Variants in JARID2 observed in about 807,000 individuals in gnomAD.
JARID2 encodes protein Jumonji.
A neutral mutation model predicts 125.6 loss-of-function variants in JARID2; 21 were observed. The observed-to-expected ratio is 0.17, with a 90% CI of 0.12 to 0.24. JARID2 has a LOEUF of 0.24. JARID2 is among the 10% of genes least tolerant of loss of function. The probability of loss-of-function intolerance (pLI) is 1.00; values close to 1 mark genes in which losing one functional copy is unlikely to be tolerated. For synonymous variants in JARID2, 736 were observed against 661.6 expected, an observed-to-expected ratio of 1.11 and a Z score of -1.73; for missense variants, 1,303 against 1,639.6, an observed-to-expected ratio of 0.79 and a Z score of 3.55.
At chr6:15,445,674 C>T (rs927541433) in intron 3 of JARID2, among the ~76,000 whole-genome samples, 2 of 152,120 alleles carry the variant, frequency 1.3e-5, no homozygotes, top group African/African-American at 4.8e-5. Flanking sequence ...GCGACTGTGG[C>T]CTGGGAACAG....
intron 3 of JARID2, among the ~76,000 whole-genome samples, chr6:15,442,655 T>G (rs1767497085): frequency 6.6e-6 from 1 of 152,212 alleles, no homozygotes; most frequent in Admixed American, 6.5e-5. Flanking sequence ...CCATAGGTGG[T>G]AAACTATAAC....
chr6:15,517,158 C>T lies in JARID2; in HGVS notation c.3451-3C>T, dbSNP rs752250265. On this transcript the variant is annotated splice_region_variant and splice_polypyrimidine_tract_variant and intron_variant, in intron 16 of 17. Transcript: ENST00000341776. ...CCTTCGGGTGTCCTGCTCTTGCTTG[C>T]AGGTGGTACAAGAGAACGAAAACGT... 3.1e-6 allele frequency: 5 copies of T among 1,608,356 alleles called. No homozygotes were observed. Among genetic ancestry groups the T allele is most frequent in the African/African-American group, 1.3e-5 (1 of 74,932 alleles).
intron 2 of JARID2, among the ~76,000 whole-genome samples, chr6:15,404,557 A>G (rs1458777089): frequency 6.8e-6 from 1 of 147,138 alleles, no homozygotes; most frequent in Non-Finnish European, 1.5e-5. Flanking sequence ...ACACACACAC[A>G]CACACACACA....
intron 1 of JARID2, among the ~76,000 whole-genome samples, chr6:15,348,453 G>A (rs76366437): frequency 0.025 from 3,835 of 152,184 alleles, 171 homozygotes; most frequent in African/African-American, 0.087. Flanking sequence ...TCTTTGTGTG[G>A]AGGGGTTCTC....
chr6:15,358,520 A>G (rs981833079), intron 1 of JARID2, among the ~76,000 whole-genome samples: 13 of 152,346 alleles, frequency 8.5e-5, no homozygotes, highest in Non-Finnish European at 1.9e-4. Context: ...AGTTGGGGCA[A>G]CCGAAGCTTT....
chr6:15,319,400 TC>T (rs1214500478), intron 1 of JARID2, among the ~76,000 whole-genome samples: 57 of 152,222 alleles, frequency 3.7e-4, no homozygotes, highest in African/African-American at 1.3e-3. Flanking sequence ...GTTGCTTTTT[TC>T]TTTTTTTTGG....
intron 5 of JARID2, among the ~76,000 whole-genome samples, chr6:15,474,255 G>A (rs902766321): frequency 3.9e-5 from 6 of 152,182 alleles, no homozygotes; most frequent in African/African-American, 1.4e-4. Flanking sequence ...AAACCTAAGT[G>A]TAGCAGTCTT....
At chr6:15,300,097 G>GT (rs1761551118) in intron 1 of JARID2, among the ~76,000 whole-genome samples, 1 of 152,206 alleles carries the variant, frequency 6.6e-6, no homozygotes, top group Non-Finnish European at 1.5e-5. Flanking sequence ...CCCAGTGTTT[G>GT]TAAGAAGAAA....
At chr6:15,383,955 C>T (rs749287743) in intron 2 of JARID2, among the ~76,000 whole-genome samples, 32 of 152,224 alleles carry the variant, frequency 2.1e-4, no homozygotes, top group Middle Eastern at 3.4e-3. Flanking sequence ...CCAAGACGCC[C>T]GGCTAATTTT....
chr6:15,517,138 G>C (rs201795736), intron 16 of JARID2, 23 bp from the exon 17 acceptor site: 67 of 1,581,258 alleles, frequency 4.2e-5, no homozygotes, highest in East Asian at 6.7e-5. Flanking sequence ...CCTGACCTTC[G>C]GGTGTCCTGC....
chr6:15,337,785 GC>G lies in JARID2; in HGVS notation c.46-36328del, dbSNP rs1374252581. ...TGATAGGGAAGTTAACGAAGGAACG[GC>G]CCCTGCTGGCTGAGAACTGCAGATT... On this transcript the variant is annotated intron_variant, in intron 1 of 17. Coordinates refer to ENST00000341776, the MANE Select transcript of JARID2 (RefSeq NM_004973.4). Among the ~76,000 whole-genome samples the G allele has an allele frequency of 2.6e-5, 4 of 152,066 alleles. No homozygotes were observed. In the East Asian group the frequency reaches 7.7e-4, roughly 29 times the overall value.
intron 1 of JARID2, among the ~76,000 whole-genome samples, chr6:15,283,332 C>T (rs1390247528): frequency 2.1e-5 from 3 of 140,714 alleles, no homozygotes; most frequent in Admixed American, 1.4e-4. Context: ...TGTCCTTTGT[C>T]CTTTAAGTAT....
At chr6:15,426,984 A>G (rs1312950095) in intron 3 of JARID2, among the ~76,000 whole-genome samples, 4 of 152,216 alleles carry the variant, frequency 2.6e-5, no homozygotes, top group South Asian at 2.1e-4. Context: ...AGGAATGTAA[A>G]GGAGGGCTGT....
intron 1 of JARID2, among the ~76,000 whole-genome samples, chr6:15,371,353 G>A (rs1313073369): frequency 6.6e-6 from 1 of 152,180 alleles, no homozygotes; most frequent in Admixed American, 6.5e-5. Flanking sequence ...CTGTGTACAT[G>A]TAGGAAATAA....
chr6:15,260,455 C>A (rs926444445), intron 1 of JARID2, among the ~76,000 whole-genome samples: 1 of 152,166 alleles, frequency 6.6e-6, no homozygotes, highest in Non-Finnish European at 1.5e-5. Context: ...AAATAAAGAA[C>A]ATATTTGGCT....
chr6:15,497,064 C>T lies in JARID2; in HGVS notation c.1839C>T (p.His613=), dbSNP rs1299366836. 1 of 1,607,576 alleles carries T rather than the reference C, an allele frequency of 6.2e-7. No homozygotes were observed. Among genetic ancestry groups the T allele is most frequent in the Admixed American group, 1.7e-5 (1 of 59,404 alleles). The part of the protein sequence containing the change: ...DEMRFVTQIQ[H]IHKLGRRWGP... ...TGCGGTTTGTCACGCAGATTCAGCA[C>T]ATCCACAAGCTGGGCCGGCGCTGGG... Residue 613 remains histidine (H), a synonymous_variant, in exon 7 of 18, where the codon CAC becomes CAT. Transcript: ENST00000341776.
chr6:15,402,616 T>C (rs1765482389), intron 2 of JARID2, among the ~76,000 whole-genome samples: 1 of 152,158 alleles, frequency 6.6e-6, no homozygotes, highest in South Asian at 2.1e-4. Context: ...GTTCCCTTGC[T>C]CTGCAGTGAT....
At chr6:15,332,165 G>A (rs1262817359) in intron 1 of JARID2, among the ~76,000 whole-genome samples, 1 of 152,120 alleles carries the variant, frequency 6.6e-6, no homozygotes, top group South Asian at 2.1e-4. Context: ...AAAAAATTCC[G>A]ACAAAGAATT....
At chr6:15,250,085 C>T (rs1475109412) in intron 1 of JARID2, among the ~76,000 whole-genome samples, 2 of 152,092 alleles carry the variant, frequency 1.3e-5, no homozygotes, top group African/African-American at 4.8e-5. Flanking sequence ...GATAGTAATT[C>T]CTGTAGTTAG....
Sources: gnomAD v4.1 joint callset for allele counts (sites outside exome capture counted in the v4.1 genomes callset) on GRCh38, gnomAD v4.1.1 for gene constraint, MANE v1.5 for transcripts, NCBI Gene and HGNC (gene_info 2026-07-23, HGNC 2026-07-21) for gene names.